The following DMRT1 variants were observed in gnomAD, a reference collection of about 807,000 sequenced individuals.
DMRT1 encodes the protein doublesex- and mab-3-related transcription factor 1.
Under a neutral mutation model 32.3 loss-of-function variants are expected in DMRT1, and 7 were observed. The observed-to-expected ratio is 0.22, with a 90% CI of 0.12 to 0.41. The LOEUF is 0.41. Ranked by LOEUF, DMRT1 falls within the 10% of genes least tolerant of loss-of-function variation. DMRT1 has a pLI of 1.00. For synonymous variants in DMRT1, 278 were observed against 206.1 expected, an observed-to-expected ratio of 1.35 and a Z score of -2.99; for missense variants, 625 against 500.5, an observed-to-expected ratio of 1.25 and a Z score of -2.37.
intron 4 of DMRT1, among the ~76,000 whole-genome samples, chr9:942,023 A>G (rs1245209644): frequency 6.6e-6 from 1 of 152,202 alleles, no homozygotes; most frequent in African/African-American, 2.4e-5. Flanking sequence ...TTGTTATATC[A>G]TGGTTATGTA....
At chr9:915,271 T>TA (rs1818133837) in intron 3 of DMRT1, among the ~76,000 whole-genome samples, 1 of 152,196 alleles carries the variant, frequency 6.6e-6, no homozygotes, top group East Asian at 1.9e-4. Flanking sequence ...TAACAGGGTC[T>TA]AGATGTTCAT....
At chr9:901,532 G>C (rs977804438) in intron 3 of DMRT1, among the ~76,000 whole-genome samples, 10 of 151,524 alleles carry the variant, frequency 6.6e-5, no homozygotes, top group Admixed American at 4.6e-4. Flanking sequence ...TCACCATGTT[G>C]GCCAGGCTGG....
chr9:863,149 C>A (rs111524615), intron 2 of DMRT1, among the ~76,000 whole-genome samples: 7,087 of 98,098 alleles, frequency 0.072, 294 homozygotes, highest in Middle Eastern at 0.1. Context: ...CAGGTCTCTA[C>A]AAAAAAAAAA....
intron 2 of DMRT1, among the ~76,000 whole-genome samples, chr9:872,522 TC>T (rs1816317602): frequency 1.3e-5 from 2 of 152,332 alleles, no homozygotes; most frequent in South Asian, 4.1e-4. Context: ...TAGCCTACTT[TC>T]TATCTGTATA....
At chr9:928,787 A>G (rs1161482866) in intron 4 of DMRT1, among the ~76,000 whole-genome samples, 2 of 149,196 alleles carry the variant, frequency 1.3e-5, no homozygotes, top group Admixed American at 1.3e-4. Context: ...CATGTTATGA[A>G]TATTTTATTA....
At chr9:910,337 G>C (rs923387832) in intron 3 of DMRT1, among the ~76,000 whole-genome samples, 10 of 151,350 alleles carry the variant, frequency 6.6e-5, no homozygotes, top group Admixed American at 5.9e-4. Flanking sequence ...AAAAAAGACT[G>C]TTCCCCTTTG....
chr9:948,306 G>A (rs2129942001), intron 4 of DMRT1, among the ~76,000 whole-genome samples: 2 of 152,220 alleles, frequency 1.3e-5, no homozygotes, highest in Middle Eastern at 3.4e-3. Flanking sequence ...ATGAGATGAA[G>A]GGAAAAGCAA....
In DMRT1 at chr9:965,097, T is replaced by A. The variant is rs993303653; in HGVS notation, c.968-2888T>A. On this transcript the variant is annotated intron_variant, in intron 4 of 4. Transcript: ENST00000382276. This position sits in a 1 kb window ranked among gnomAD's most constrained non-coding sequence, Gnocchi z 4.5. ...AAAGTTTAAGGAAGCTGCATTAAAA[T>A]GGAAAAGGTACCTCTGAGGGACGAT... 1.3e-5 allele frequency among the ~76,000 whole-genome samples: 2 copies of A among 152,172 alleles called. No individual in the cohort carries two copies. Among genetic ancestry groups the A allele is most frequent in the Non-Finnish European group, 2.9e-5 (2 of 68,022 alleles).
At chr9:850,579 A>T (rs902425135) in intron 2 of DMRT1, among the ~76,000 whole-genome samples, 2 of 152,214 alleles carry the variant, frequency 1.3e-5, no homozygotes, top group African/African-American at 4.8e-5. Flanking sequence ...GATTTACTGC[A>T]TGTACAGGTG....
chr9:847,488 T>G (rs1336885872), intron 2 of DMRT1, among the ~76,000 whole-genome samples: 3 of 152,204 alleles, frequency 2.0e-5, no homozygotes, highest in Non-Finnish European at 4.4e-5. Context: ...TTCCTAGAAC[T>G]AGAAGTCCAC....
intron 2 of DMRT1, among the ~76,000 whole-genome samples, chr9:868,753 T>C (rs1816101583): frequency 6.6e-6 from 1 of 152,232 alleles, no homozygotes; most frequent in Non-Finnish European, 1.5e-5. Flanking sequence ...CTCATGCCTA[T>C]AATCCCAGCA....
chr9:927,702 G>A (rs774129235), intron 4 of DMRT1, among the ~76,000 whole-genome samples: 2 of 152,204 alleles, frequency 1.3e-5, no homozygotes, highest in Non-Finnish European at 2.9e-5. Context: ...GCGCTTCCTG[G>A]TGTAAAGAAT....
intron 2 of DMRT1, among the ~76,000 whole-genome samples, chr9:866,356 G>C (rs1053015665): frequency 3.3e-5 from 5 of 152,002 alleles, no homozygotes; most frequent in Admixed American, 6.6e-5. Context: ...GGTGGGACAA[G>C]GGAATGTCAT....
intron 2 of DMRT1, among the ~76,000 whole-genome samples, chr9:867,142 G>C (rs1426055389): frequency 6.6e-6 from 1 of 152,108 alleles, no homozygotes; most frequent in African/African-American, 2.4e-5. Flanking sequence ...AGAGGAGTTT[G>C]ACAGGGAACA....
intron 4 of DMRT1, among the ~76,000 whole-genome samples, chr9:922,748 C>T (rs183991542): frequency 3.9e-5 from 6 of 152,284 alleles, no homozygotes; most frequent in Non-Finnish European, 5.9e-5. Flanking sequence ...CCTTCCTTCA[C>T]GTCCAAGCTG....
chr9:936,476 G>A (rs1485323946), intron 4 of DMRT1, among the ~76,000 whole-genome samples: 1 of 152,224 alleles, frequency 6.6e-6, no homozygotes, highest in South Asian at 2.1e-4. Flanking sequence ...TTCAGGCCGG[G>A]TGTGGTGGCT....
chr9:855,217 CAA>C (rs1399053133), intron 2 of DMRT1, among the ~76,000 whole-genome samples: 4 of 152,030 alleles, frequency 2.6e-5, no homozygotes, highest in African/African-American at 4.8e-5. Flanking sequence ...ATTATGAAAA[CAA>C]AGTACGTAGG....
intron 2 of DMRT1, among the ~76,000 whole-genome samples, chr9:867,166 AG>A (rs1179856699): frequency 6.6e-6 from 1 of 152,180 alleles, no homozygotes; most frequent in Non-Finnish European, 1.5e-5. Context: ...GCATGCATCT[AG>A]GAGCAGGGGG....
intron 2 of DMRT1, among the ~76,000 whole-genome samples, chr9:891,050 T>G (rs1313351447): frequency 6.6e-6 from 1 of 151,772 alleles, no homozygotes; most frequent in African/African-American, 2.4e-5. Flanking sequence ...TTTAGAAAAG[T>G]GAAACAAGGC....
Sources: gnomAD v4.1 joint callset for allele counts (sites outside exome capture counted in the v4.1 genomes callset) on GRCh38, gnomAD v4.1.1 for gene constraint, Gnocchi (gnomAD v3.1) non-coding constraint, MANE v1.5 for transcripts, NCBI Gene and HGNC (gene_info 2026-07-23, HGNC 2026-07-21) for gene names.